Variants in RTF2 observed in about 807,000 individuals in gnomAD.
RTF2 encodes UPF0549 protein C20orf43.
Under a neutral mutation model 38.0 loss-of-function variants are expected in RTF2, and 18 were observed. The observed-to-expected ratio is 0.47, with a 90% CI of 0.33 to 0.70. RTF2 has a LOEUF of 0.70. Among genes scored for constraint, RTF2 ranks in the 30% least tolerant of loss-of-function variants. The pLI is 0.02. For synonymous variants in RTF2, 126 were observed against 137.1 expected (o/e 0.92, Z 0.57); for missense variants, 311 against 379.6 (o/e 0.82, Z 1.50).
intron 5 of RTF2, among the ~76,000 whole-genome samples, chr20:56,511,761 A>G (rs915556211): frequency 2.0e-5 from 3 of 152,118 alleles, no homozygotes; most frequent in African/African-American, 4.8e-5. Context: ...CCGAATGTCC[A>G]CTAGGGAGCA....
chr20:56,491,734 C>T (rs1983154962), intron 5 of RTF2: 3 of 1,552,024 alleles, frequency 1.9e-6, no homozygotes, highest in South Asian at 1.2e-5. Context: ...ACTGAATGAG[C>T]CACGGCAGGT....
chr20:56,503,209 G>A (rs1413885720), intron 5 of RTF2, among the ~76,000 whole-genome samples: 1 of 152,192 alleles, frequency 6.6e-6, no homozygotes, highest in Non-Finnish European at 1.5e-5. Context: ...TTAGCACAAT[G>A]TTTTCTTGAG....
intron 5 of RTF2, among the ~76,000 whole-genome samples, chr20:56,493,644 G>A (rs865944460): frequency 1.4e-5 from 2 of 140,594 alleles, no homozygotes; most frequent in East Asian, 2.3e-4. Context: ...GTGACAGAGC[G>A]AGACCCTGTC....
In RTF2 at chr20:56,518,212, C is replaced by T. The variant is rs755742259; in HGVS notation, c.868C>T (p.Arg290Cys). The change falls in exon 9 of 9, where the codon CGC becomes TGC. Residue 290 changes from arginine (R) to cysteine (C), a missense_variant. Arg to Cys is a radical substitution (Grantham distance 180). Coordinates refer to ENST00000357348, the MANE Select transcript of RTF2 (RefSeq NM_016407.5). ...SLFTTHSSAK[R>C]SKEESAHWVT... Reference sequence around the variant, plus strand: ...CTTTACCACTCACAGCTCCGCCAAGCGCTCCAAGGAGGAGTCTGCCCACTG... The same window carrying T: ...CTTTACCACTCACAGCTCCGCCAAGTGCTCCAAGGAGGAGTCTGCCCACTG... 9.3e-6 allele frequency: 15 copies of T among 1,614,128 alleles called. No homozygotes were observed. Among genetic ancestry groups the T allele is most frequent in the South Asian group, 5.5e-5 (5 of 91,076 alleles).
At chr20:56,493,888 C>T (rs1294390567) in intron 5 of RTF2, among the ~76,000 whole-genome samples, 2 of 152,162 alleles carry the variant, frequency 1.3e-5, no homozygotes, top group African/African-American at 4.8e-5. Context: ...AATGGGATAG[C>T]TGTTCTTCTG....
intron 5 of RTF2, chr20:56,495,356 C>G: frequency 2.3e-6 from 3 of 1,300,644 alleles, no homozygotes; most frequent in Admixed American, 4.0e-5. Flanking sequence ...TCTTTTAGTA[C>G]AAGTTCTTCT....
At chr20:56,485,822 G>A (rs531221520) in intron 5 of RTF2, among the ~76,000 whole-genome samples, 27 of 152,312 alleles carry the variant, frequency 1.8e-4, no homozygotes, top group African/African-American at 5.3e-4. Context: ...CTGCACTCAC[G>A]GAGATTGCAG....
At chr20:56,476,784 C>T (rs1320691926) in intron 3 of RTF2, among the ~76,000 whole-genome samples, 1 of 152,138 alleles carries the variant, frequency 6.6e-6, no homozygotes, top group Non-Finnish European at 1.5e-5. Flanking sequence ...CAGGCATGAG[C>T]CACCACACCC....
At chr20:56,500,202 G>A (rs1474225095) in intron 5 of RTF2, among the ~76,000 whole-genome samples, 2 of 151,924 alleles carry the variant, frequency 1.3e-5, no homozygotes, top group African/African-American at 2.4e-5. Context: ...TTACAGGCAT[G>A]CACCACCACA....
At chr20:56,476,442 G>A (rs956658296) in intron 3 of RTF2, among the ~76,000 whole-genome samples, 3 of 151,360 alleles carry the variant, frequency 2.0e-5, no homozygotes, top group Non-Finnish European at 4.4e-5. Context: ...GATGTGGATA[G>A]TAGAAATAAC....
At chr20:56,515,445 G>A (rs1259845160) in intron 6 of RTF2, among the ~76,000 whole-genome samples, 5 of 152,046 alleles carry the variant, frequency 3.3e-5, no homozygotes, top group East Asian at 1.9e-4. Context: ...GGTGGCGTGC[G>A]CCAGTAATCC....
chr20:56,501,552 G>A (rs1417809820), intron 5 of RTF2, among the ~76,000 whole-genome samples: 1 of 152,122 alleles, frequency 6.6e-6, no homozygotes, highest in Non-Finnish European at 1.5e-5. Context: ...GTATGGAGTA[G>A]GTATGCAAGT....
At chr20:56,482,301 A>G (rs936453531) in intron 4 of RTF2, among the ~76,000 whole-genome samples, 1 of 152,252 alleles carries the variant, frequency 6.6e-6, no homozygotes, top group African/African-American at 2.4e-5. Context: ...ATCCTCCTGT[A>G]TACTTTAAAT....
At chr20:56,477,744 C>T (rs1409450359) in intron 4 of RTF2, among the ~76,000 whole-genome samples, 1 of 152,138 alleles carries the variant, frequency 6.6e-6, no homozygotes, top group African/African-American at 2.4e-5. Context: ...ATTCAAATTC[C>T]TGGCCTTTAA....
Position 56,518,120 on chromosome 20 carries a change from A to C in RTF2, c.776A>C (p.Lys259Thr). The change falls in exon 9 of 9, where the codon AAG becomes ACG. Residue 259 changes from lysine (K) to threonine (T), a missense_variant. Coordinates refer to ENST00000357348, the MANE Select transcript of RTF2 (RefSeq NM_016407.5). Reference protein sequence around the residue: ...MNESSSGKAGKPPCGATKRSI... With the variant: ...MNESSSGKAGTPPCGATKRSI... ...GAGAGCTCTTCTGGAAAAGCTGGGA[A>C]GCCTCCGTGTGGAGCCACAAAGAGG... The C allele has an allele frequency of 6.2e-7, 1 of 1,613,172 alleles. No individual in the cohort carries two copies. The highest frequency in any genetic ancestry group is 2.2e-5 in the East Asian group (1 of 44,878).
At chr20:56,488,393 G>A (rs1197940858) in intron 5 of RTF2, among the ~76,000 whole-genome samples, 1 of 150,744 alleles carries the variant, frequency 6.6e-6, no homozygotes, top group African/African-American at 2.5e-5. Context: ...GAGTACTGGA[G>A]TTGTGATCCG....
intron 5 of RTF2, among the ~76,000 whole-genome samples, chr20:56,495,991 A>G (rs886706709): frequency 2.0e-5 from 3 of 152,230 alleles, no homozygotes; most frequent in Admixed American, 1.3e-4. Flanking sequence ...GTAGGTATCC[A>G]GTAGTATTTA....
intron 5 of RTF2, chr20:56,495,409 A>G (rs1300898945): frequency 1.2e-6 from 1 of 833,192 alleles, no homozygotes; most frequent in Admixed American, 2.3e-5. Flanking sequence ...AGTCAATGAG[A>G]AAAGTAGAGG....
At chr20:56,500,967 A>C (rs1440671962) in intron 5 of RTF2, among the ~76,000 whole-genome samples, 1 of 151,992 alleles carries the variant, frequency 6.6e-6, no homozygotes, top group African/African-American at 2.4e-5. Flanking sequence ...TTGCCACACA[A>C]GCTTTTTTTT....
Sources: gnomAD v4.1 joint callset for allele counts (sites outside exome capture counted in the v4.1 genomes callset) on GRCh38, gnomAD v4.1.1 for gene constraint, MANE v1.5 for transcripts, NCBI Gene and HGNC (gene_info 2026-07-23, HGNC 2026-07-21) for gene names.